The following RCBTB1 variants were observed in gnomAD, a reference collection of about 807,000 sequenced individuals.
RCBTB1 encodes RCC1 and BTB domain-containing protein 1.
RCBTB1 carries 46 observed loss-of-function variants against 62.4 expected under a neutral mutation model. The ratio of observed to expected loss-of-function variants is 0.74; its 90% CI spans 0.58 to 0.94. The LOEUF (loss-of-function observed/expected upper bound fraction) is 0.94. Ranked by LOEUF, RCBTB1 falls within the 40% of genes least tolerant of loss-of-function variation. The pLI is 0.00. For synonymous variants in RCBTB1, 222 were observed against 245.8 expected (o/e 0.90, Z 0.91); for missense variants, 565 against 654.9 (o/e 0.86, Z 1.50).
intron 9 of RCBTB1, chr13:49,546,810 G>A (rs1262348351): frequency 7.8e-6 from 2 of 255,420 alleles, no homozygotes; most frequent in Non-Finnish European, 1.2e-5. Context: ...TGTAAATACA[G>A]ATGAAGCTTC....
chr13:49,569,755 T>G (rs894757027), intron 2 of RCBTB1, among the ~76,000 whole-genome samples: 1 of 147,122 alleles, frequency 6.8e-6, no homozygotes, highest in Non-Finnish European at 1.5e-5. Flanking sequence ...AAAAGAAAAA[T>G]TATTAGCCAG....
At chr13:49,582,784 T>G (rs1964179657) in intron 1 of RCBTB1, among the ~76,000 whole-genome samples, 1 of 151,640 alleles carries the variant, frequency 6.6e-6, no homozygotes, top group African/African-American at 2.4e-5. Flanking sequence ...TGGTTTTGAT[T>G]GGCATTTGGA....
At chr13:49,543,690 A>G (rs1960572824) in intron 10 of RCBTB1, among the ~76,000 whole-genome samples, 1 of 152,180 alleles carries the variant, frequency 6.6e-6, no homozygotes, top group Admixed American at 6.5e-5. Flanking sequence ...ACAAGGAACT[A>G]TATCTTAAAA....
chr13:49,570,968 G>A (rs1594337994), intron 2 of RCBTB1, among the ~76,000 whole-genome samples: 1 of 152,258 alleles, frequency 6.6e-6, no homozygotes, highest in East Asian at 1.9e-4. Flanking sequence ...AACAACTTCA[G>A]TGAACTTCCT....
intron 5 of RCBTB1, among the ~76,000 whole-genome samples, chr13:49,559,693 G>A (rs1962272559): frequency 6.6e-6 from 1 of 151,548 alleles, no homozygotes; most frequent in Admixed American, 6.6e-5. Context: ...GTCAGGGGCT[G>A]GGGGAGGACA....
At chr13:49,583,553 CT>C (rs1020918835) in intron 1 of RCBTB1, among the ~76,000 whole-genome samples, 17 of 147,380 alleles carry the variant, frequency 1.2e-4, no homozygotes, top group South Asian at 2.2e-4. Flanking sequence ...ACAACATGTA[CT>C]TTTTTTTTTT....
At chr13:49,557,269 T>A (rs1227361458) in intron 5 of RCBTB1, among the ~76,000 whole-genome samples, 1 of 152,254 alleles carries the variant, frequency 6.6e-6, no homozygotes, top group African/African-American at 2.4e-5. Flanking sequence ...TAGAAGGGAC[T>A]ATGGCAGTAG....
intron 8 of RCBTB1, chr13:49,550,284 C>A: frequency 8.7e-6 from 2 of 229,210 alleles, no homozygotes; most frequent in Non-Finnish European, 1.4e-5. Flanking sequence ...TGGCCCATTT[C>A]TTTATAAATG....
In RCBTB1 at chr13:49,559,439, G is replaced by A. The variant is rs1351159532; in HGVS notation, c.444+479C>T. Among the ~76,000 whole-genome samples the A allele has an allele frequency of 5.9e-5, 9 of 152,110 alleles. 1 individual carries two copies. The highest frequency in any genetic ancestry group is 8.8e-5 in the Non-Finnish European group (6 of 68,022). On this transcript the variant is annotated intron_variant, in intron 5 of 12. Transcript: ENST00000378302. The stretch of plus-strand genomic sequence containing the variant: ...TTGGAGGCCAAGGCGGGCAGATCAC[G>A]AGGTCAGGAGATCGAGACCATCCTG...
chr13:49,566,701 G>T lies in RCBTB1; in HGVS notation c.194C>A (p.Pro65His). Residue 65 changes from proline (P) to histidine (H), a missense_variant, in exon 4 of 13, where the codon CCC becomes CAC. Coordinates refer to ENST00000378302, the MANE Select transcript of RCBTB1 (RefSeq NM_018191.4). ...TCCACATAAGCCTTCTAGCTTTTTG[G>T]GTACAAGTGTACTCTGGTTATCTCC... is the stretch of plus-strand genomic sequence containing the variant. ...GTGDNQSTLV[P>H]KKLEGLCGKK... 1.2e-6 allele frequency: 2 copies of T among 1,613,874 alleles called. No individual in the cohort carries two copies. The highest frequency in any genetic ancestry group is 1.7e-6 in the Non-Finnish European group (2 of 1,179,844).
chr13:49,559,843 C>A, intron 5 of RCBTB1, 75 bp downstream of exon 5: 1 of 1,386,708 alleles, frequency 7.2e-7, no homozygotes, highest in African/African-American at 1.5e-5. Flanking sequence ...ACTGGTGAAG[C>A]TGGTAAATTT....
chr13:49,534,110 C>G lies in RCBTB1; in HGVS notation c.*12G>C, dbSNP rs759771820. On this transcript the variant is annotated 3_prime_UTR_variant, in exon 13 of 13. Transcript: ENST00000378302. Reference sequence around the variant, plus strand: ...CCCAGAGCACTCACACAGAACCCAGCAGCCTTGCGCTTCAGTTCTTAAAGG... The same window carrying G: ...CCCAGAGCACTCACACAGAACCCAGGAGCCTTGCGCTTCAGTTCTTAAAGG... 4 of 1,612,460 alleles carry G rather than the reference C, an allele frequency of 2.5e-6. No individual in the cohort carries two copies. The highest frequency in any genetic ancestry group is 3.4e-6 in the Non-Finnish European group (4 of 1,179,134).
At chr13:49,543,797 C>T (rs906321485) in intron 10 of RCBTB1, among the ~76,000 whole-genome samples, 1 of 152,246 alleles carries the variant, frequency 6.6e-6, no homozygotes, top group East Asian at 1.9e-4. Flanking sequence ...GCAATCCTTC[C>T]ACCTCAGCCT....
intron 4 of RCBTB1, among the ~76,000 whole-genome samples, chr13:49,561,967 G>T (rs987564884): frequency 4.0e-5 from 6 of 151,710 alleles, no homozygotes; most frequent in Non-Finnish European, 7.4e-5. Flanking sequence ...GCCAGGCATG[G>T]TAGCGCGCAC....
At chr13:49,573,821 T>C (rs760659825) in intron 2 of RCBTB1, among the ~76,000 whole-genome samples, 18 of 144,522 alleles carry the variant, frequency 1.2e-4, no homozygotes, top group Non-Finnish European at 1.5e-4. Flanking sequence ...CCTCGCTCTG[T>C]TGTCCAGTCT....
intron 2 of RCBTB1, among the ~76,000 whole-genome samples, chr13:49,579,218 G>A (rs1412972161): frequency 6.6e-6 from 1 of 152,192 alleles, no homozygotes; most frequent in African/African-American, 2.4e-5. Flanking sequence ...TATAAGGGCT[G>A]CAAATCACAG....
intron 9 of RCBTB1, among the ~76,000 whole-genome samples, chr13:49,549,225 C>T (rs9596139): frequency 0.24 from 35,409 of 149,044 alleles, 5,494 homozygotes; most frequent in African/African-American, 0.43. Flanking sequence ...GCATGTTATG[C>T]GAATTTGATA....
chr13:49,559,877 T>TG (rs1566245341), intron 5 of RCBTB1, 41 bp downstream of exon 5: 3 of 1,527,700 alleles, frequency 2.0e-6, no homozygotes, highest in African/African-American at 2.8e-5. Flanking sequence ...TTTACTATGA[T>TG]GAAAAAAAAA....
chr13:49,555,695 A>T, intron 5 of RCBTB1, 22 bp from the exon 6 acceptor site: 1 of 1,533,800 alleles, frequency 6.5e-7, no homozygotes, highest in South Asian at 1.3e-5. Flanking sequence ...AGAAAAAGGA[A>T]AAGGAAAGAA....
Sources: gnomAD v4.1 joint callset for allele counts (sites outside exome capture counted in the v4.1 genomes callset) on GRCh38, gnomAD v4.1.1 for gene constraint, MANE v1.5 for transcripts, NCBI Gene and HGNC (gene_info 2026-07-23, HGNC 2026-07-21) for gene names.